Variants in ATXN2 observed in about 807,000 individuals in gnomAD.
The protein encoded by ATXN2 is ataxin 2.
Under a neutral mutation model 138.6 loss-of-function variants are expected in ATXN2, and 37 were observed. That is an observed-to-expected ratio of 0.27 (90% CI 0.21 to 0.35). ATXN2 has a LOEUF of 0.35. ATXN2 is among the 10% of genes least tolerant of loss of function. The pLI is 1.00. For synonymous variants in ATXN2, 549 were observed against 543.7 expected, an observed-to-expected ratio of 1.01 and a Z score of -0.13; for missense variants, 1,216 against 1,480.3, an observed-to-expected ratio of 0.82 and a Z score of 2.93.
At chr12:111,545,864 T>C (rs1012058458) in intron 5 of ATXN2, among the ~76,000 whole-genome samples, 11 of 151,348 alleles carry the variant, frequency 7.3e-5, no homozygotes, top group African/African-American at 1.9e-4. Flanking sequence ...ATGTAGGAGG[T>C]TGAGGTGAGA....
chr12:111,476,540 A>C (rs1303546746), intron 18 of ATXN2, among the ~76,000 whole-genome samples: 1 of 152,218 alleles, frequency 6.6e-6, no homozygotes, highest in Admixed American at 6.5e-5. Flanking sequence ...TGCCAGAAAC[A>C]GTGGGTTTAC....
chr12:111,518,580 C>T (rs1879982971), intron 8 of ATXN2, among the ~76,000 whole-genome samples, 153 bp from the exon 9 acceptor site: 1 of 152,156 alleles, frequency 6.6e-6, no homozygotes, highest in Admixed American at 6.5e-5. Context: ...CCTGTTCTTC[C>T]ATCTTACCCT....
intron 1 of ATXN2, among the ~76,000 whole-genome samples, chr12:111,564,126 G>C (rs1882853764): frequency 6.6e-6 from 1 of 152,170 alleles, no homozygotes; most frequent in South Asian, 2.1e-4. Context: ...GGCACATTGT[G>C]TGGCCAAAGA....
In ATXN2 at chr12:111,453,802, T is replaced by C; in HGVS notation, c.3314A>G (p.His1105Arg). ...TGTCGTCATTAGCATCATTGGCGCATGGGCAGTTGGATGAGAAGGAACCAT... is the reference window on the plus strand; with the variant it reads ...TGTCGTCATTAGCATCATTGGCGCACGGGCAGTTGGATGAGAAGGAACCAT... ...SGMVPSHPTA[H>R]APMMLMTTQP... Residue 1105 changes from histidine to arginine, a missense_variant, in exon 24 of 25, where the codon CAT (histidine) becomes CGT (arginine). This residue lies in a region of ATXN2 where 490 missense variants were observed against 653.5 expected (regional missense o/e 0.75). Coordinates refer to ENST00000673436, the MANE Select transcript of ATXN2 (RefSeq NM_001372574.1). This position sits in a 1 kb window ranked among gnomAD's most constrained non-coding sequence, Gnocchi z 5.4. The C allele has an allele frequency of 1.2e-6, 2 of 1,614,068 alleles. No individual in the cohort carries two copies. Among genetic ancestry groups the C allele is most frequent in the Non-Finnish European group, 1.7e-6 (2 of 1,179,978 alleles).
At chr12:111,501,956 A>G (rs1384110389) in intron 14 of ATXN2, among the ~76,000 whole-genome samples, 4 of 151,918 alleles carry the variant, frequency 2.6e-5, no homozygotes, top group African/African-American at 9.7e-5. Context: ...CAGTGGTGCA[A>G]GCTCACCTCA....
chr12:111,599,328 G>C (rs1183618784), upstream of ATXN2: 2 of 1,171,314 alleles, frequency 1.7e-6, no homozygotes, highest in Non-Finnish European at 1.1e-6. Context: ...CGGGAGGGAG[G>C]GGGGCCGGGG....
In ATXN2 at chr12:111,516,502, G is replaced by A; in HGVS notation, c.1166-139C>T. The stretch of plus-strand genomic sequence containing the variant: ...CTTTGAGGACAGTCATTTGATTTGT[G>A]ATAAGTTTTAGCATAACTTAACTGA... On this transcript the variant is annotated intron_variant, in intron 9 of 24. Transcript: ENST00000673436. This position sits in a 1 kb window ranked among gnomAD's most constrained non-coding sequence, Gnocchi z 5.0. 2.4e-6 allele frequency: 2 copies of A among 841,706 alleles called. No homozygotes were observed. The highest frequency in any genetic ancestry group is 3.7e-5 in the South Asian group (2 of 53,684). 52.1% of individuals were successfully genotyped at this position (841,706 alleles called of 1,614,324 possible).
At position 111,453,298 on chromosome 12, in the gene ATXN2, A is replaced by C; in HGVS notation, c.3439+379T>G. ...TCTCAGCAGTATCTTCTCCAGAGCTACAATCAAACTCTGCCATGGTAATAA... is the reference window on the plus strand; with the variant it reads ...TCTCAGCAGTATCTTCTCCAGAGCTCCAATCAAACTCTGCCATGGTAATAA... On this transcript the variant is annotated intron_variant, in intron 24 of 24. Coordinates refer to ENST00000673436, the MANE Select transcript of ATXN2 (RefSeq NM_001372574.1). The surrounding 1 kb of genome is among the most constrained non-coding windows in gnomAD (Gnocchi z 5.4). 9.4e-7 allele frequency: 1 copy of C among 1,060,184 alleles called. No individual in the cohort carries two copies. Among genetic ancestry groups the C allele is most frequent in the Non-Finnish European group, 1.1e-6 (1 of 879,080 alleles). The allele number at this position is 1,060,184 out of a possible 1,614,324, so 65.7% of individuals were successfully genotyped here. A position where few individuals can be genotyped will look rare whatever the true frequency, so the allele number is the denominator to read the frequency against.
chr12:111,466,782 A>T (rs1352293842), intron 20 of ATXN2, among the ~76,000 whole-genome samples: 1 of 152,180 alleles, frequency 6.6e-6, no homozygotes, highest in Non-Finnish European at 1.5e-5. Flanking sequence ...TGTCACCAAC[A>T]TCTGGGTGCA....
chr12:111,558,230 G>T (rs1055310420), intron 1 of ATXN2, among the ~76,000 whole-genome samples: 4 of 152,174 alleles, frequency 2.6e-5, no homozygotes, highest in Non-Finnish European at 4.4e-5. Flanking sequence ...GAAATCCACT[G>T]AAGTCTAAAT....
chr12:111,598,175 C>T lies in ATXN2; in HGVS notation c.251+609G>A. The stretch of plus-strand genomic sequence containing the variant: ...AGAGGGGTGCGGGGGCCAAGGCCCA[C>T]TTGTCTCCACCCCGTCCTCCGATCT... On this transcript the variant is annotated intron_variant, in intron 1 of 24. Transcript: ENST00000673436. The surrounding 1 kb of genome is among the most constrained non-coding windows in gnomAD (Gnocchi z 4.5). 1.9e-6 allele frequency: 2 copies of T among 1,079,770 alleles called. No homozygotes were observed. The highest frequency in any genetic ancestry group is 2.3e-6 in the Non-Finnish European group (2 of 882,962). 66.9% of individuals were successfully genotyped at this position (1,079,770 alleles called of 1,614,324 possible).
At chr12:111,535,766 C>T (rs1168715241) in intron 5 of ATXN2, among the ~76,000 whole-genome samples, 5 of 151,726 alleles carry the variant, frequency 3.3e-5, no homozygotes, top group East Asian at 1.9e-4. Flanking sequence ...TTTGGGAGGC[C>T]GAGGTGGGCG....
Position 111,486,688 on chromosome 12 carries a change from T to C in ATXN2, c.2304+73A>G, listed in dbSNP as rs577030171. Reference sequence around the variant, plus strand: ...TAAAACAAAATTCAGATGGCAGGTATGGAAGAAGGACTATTACTAATAATT... The same window carrying C: ...TAAAACAAAATTCAGATGGCAGGTACGGAAGAAGGACTATTACTAATAATT... On this transcript the variant is annotated intron_variant, in intron 16 of 24. Transcript: ENST00000673436. 8.5e-6 allele frequency: 11 copies of C among 1,290,756 alleles called. No individual in the cohort carries two copies. In the South Asian group the frequency reaches 1.4e-4, roughly 17 times the overall value. The allele number at this position is 1,290,756 out of a possible 1,614,324, so 80.0% of individuals were successfully genotyped here. A position where few individuals can be genotyped will look rare whatever the true frequency, so the allele number is the denominator to read the frequency against.
At chr12:111,563,446 T>C (rs1228284680) in intron 1 of ATXN2, among the ~76,000 whole-genome samples, 1 of 152,160 alleles carries the variant, frequency 6.6e-6, no homozygotes, top group African/African-American at 2.4e-5. Context: ...TTAATTTCCT[T>C]ATTTTGACAA....
chr12:111,551,759 C>CAA (rs1281021766), intron 5 of ATXN2, among the ~76,000 whole-genome samples: 1 of 152,182 alleles, frequency 6.6e-6, no homozygotes, highest in Non-Finnish European at 1.5e-5. Context: ...TAAGAGATCA[C>CAA]AAAAACTCTA....
rs906490393 is a variant in ATXN2, at chr12:111,546,199, G to C, written c.571+6081C>G. Among the ~76,000 whole-genome samples the C allele has an allele frequency of 2.0e-5, 3 of 152,326 alleles. No homozygotes were observed. The South Asian group carries it at 6.2e-4, about 32-fold the overall frequency. ...GTATTAGAATCAAAGCATGCAATTA[G>C]TTGTAAGTTTAAAGGACAGAGCACA... On this transcript the variant is annotated intron_variant, in intron 5 of 24. Coordinates refer to ENST00000673436, the MANE Select transcript of ATXN2 (RefSeq NM_001372574.1).
intron 8 of ATXN2, among the ~76,000 whole-genome samples, chr12:111,519,025 G>A (rs921620649): frequency 2.0e-5 from 3 of 151,992 alleles, no homozygotes; most frequent in Admixed American, 1.3e-4. Context: ...CTGCACAAAC[G>A]GAGTCACTGT....
intron 5 of ATXN2, among the ~76,000 whole-genome samples, chr12:111,527,051 G>T (rs1204578321): frequency 1.3e-5 from 2 of 152,174 alleles, no homozygotes; most frequent in African/African-American, 4.8e-5. Context: ...ACTGACTTAT[G>T]AAAGCAAATG....
chr12:111,463,293 T>C (rs758079288), intron 21 of ATXN2, among the ~76,000 whole-genome samples: 139 of 152,180 alleles, frequency 9.1e-4, no homozygotes, highest in Non-Finnish European at 1.8e-3. Flanking sequence ...AAGACTAGCC[T>C]TATTTTTATT....
Sources: allele counts gnomAD v4.1 joint callset (sites outside exome capture counted in the v4.1 genomes callset), GRCh38; gene constraint gnomAD v4.1.1; regional missense constraint gnomAD v4.1.1; non-coding constraint Gnocchi (gnomAD v3.1); transcripts MANE v1.5; gene names NCBI Gene and HGNC (gene_info 2026-07-23, HGNC 2026-07-21).